The following MLLT10 variants were observed in gnomAD, a reference collection of about 807,000 sequenced individuals.
MLLT10 encodes protein AF-10.
A neutral mutation model predicts 129.1 loss-of-function variants in MLLT10; 30 were observed. That is an observed-to-expected ratio of 0.23 (90% CI 0.17 to 0.32). The LOEUF (loss-of-function observed/expected upper bound fraction) is 0.32, where lower values mean the gene tolerates loss of function less well. MLLT10 is among the 10% of genes least tolerant of loss of function. MLLT10 has a pLI of 1.00. For synonymous variants in MLLT10, 490 were observed against 446.4 expected (o/e 1.10, Z -1.23); for missense variants, 1,119 against 1,268.3 (o/e 0.88, Z 1.79).
At chr10:21,611,968 A>G (rs2044700639) in intron 5 of MLLT10, among the ~76,000 whole-genome samples, 1 of 152,168 alleles carries the variant, frequency 6.6e-6, no homozygotes, top group African/African-American at 2.4e-5. Flanking sequence ...TGCAGAGGGG[A>G]AAGATAAACA....
chr10:21,535,642 C>T (rs2033833678), intron 2 of MLLT10, among the ~76,000 whole-genome samples: 1 of 152,202 alleles, frequency 6.6e-6, no homozygotes, highest in Non-Finnish European at 1.5e-5. Context: ...TTGAAGTGGC[C>T]GACTTTTCCC....
chr10:21,619,241 A>G (rs376475146), intron 8 of MLLT10, among the ~76,000 whole-genome samples: 1 of 152,236 alleles, frequency 6.6e-6, no homozygotes, highest in East Asian at 1.9e-4. Context: ...GCACCATGAA[A>G]GTTTATTTAA....
intron 5 of MLLT10, among the ~76,000 whole-genome samples, chr10:21,609,133 A>C (rs935064658): frequency 1.3e-5 from 2 of 152,084 alleles, no homozygotes; most frequent in African/African-American, 4.8e-5. Context: ...TCCCTCCACC[A>C]GTTCCCCATT....
At chr10:21,724,423 G>T (rs907768535) in intron 14 of MLLT10, among the ~76,000 whole-genome samples, 2 of 152,188 alleles carry the variant, frequency 1.3e-5, no homozygotes, top group African/African-American at 4.8e-5. Flanking sequence ...TGTTGTCTTA[G>T]TCTCTTGTGT....
chr10:21,591,431 C>G (rs2042493110), intron 4 of MLLT10, among the ~76,000 whole-genome samples: 1 of 152,162 alleles, frequency 6.6e-6, no homozygotes, highest in African/African-American at 2.4e-5. Context: ...CTATCTTGGA[C>G]AGAAGTAGAA....
At chr10:21,696,344 C>G (rs188786669) in intron 13 of MLLT10, among the ~76,000 whole-genome samples, 22 of 152,068 alleles carry the variant, frequency 1.4e-4, no homozygotes, top group African/African-American at 5.3e-4. Flanking sequence ...CTCAGGAGAT[C>G]CTGAGAACAT....
intron 5 of MLLT10, among the ~76,000 whole-genome samples, chr10:21,598,099 A>G (rs2043181440): frequency 6.6e-6 from 1 of 152,200 alleles, no homozygotes; most frequent in South Asian, 2.1e-4. Flanking sequence ...GATGGCAAGT[A>G]GTGGTTTTCT....
intron 13 of MLLT10, among the ~76,000 whole-genome samples, chr10:21,695,217 G>A (rs962038560): frequency 4.6e-5 from 7 of 151,988 alleles, no homozygotes; most frequent in Admixed American, 6.6e-5. Context: ...TTACAGGCGT[G>A]TGTCATCACA....
At chr10:21,545,131 G>T (rs976513377) in intron 3 of MLLT10, among the ~76,000 whole-genome samples, 2 of 151,830 alleles carry the variant, frequency 1.3e-5, no homozygotes, top group Non-Finnish European at 2.9e-5. Context: ...GACAACAAGA[G>T]TGAAGCTCCA....
At chr10:21,692,110 G>A (rs1013705226) in intron 13 of MLLT10, among the ~76,000 whole-genome samples, 4 of 151,846 alleles carry the variant, frequency 2.6e-5, no homozygotes, top group African/African-American at 9.7e-5. Flanking sequence ...GGAGGCAGAG[G>A]CTGCAGTGAC....
chr10:21,625,623 C>T, intron 8 of MLLT10: 1 of 757,162 alleles, frequency 1.3e-6, no homozygotes, highest in Non-Finnish European at 2.5e-6. Flanking sequence ...AGAATGACGT[C>T]CACCAAACCC....
At chr10:21,617,836 A>G (rs1367416454) in intron 8 of MLLT10, among the ~76,000 whole-genome samples, 1 of 152,070 alleles carries the variant, frequency 6.6e-6, no homozygotes, top group East Asian at 1.9e-4. Context: ...TTTGTACTTA[A>G]TTTGTTCTTT....
At chr10:21,670,379 G>A in intron 9 of MLLT10, 70 bp from the exon 10 acceptor site, 2 of 1,412,302 alleles carry the variant, frequency 1.4e-6, no homozygotes, top group Non-Finnish European at 1.9e-6. Flanking sequence ...TATTAATGTG[G>A]CACCCATTGT....
At chr10:21,584,473 A>T (rs1564455753) in intron 3 of MLLT10, among the ~76,000 whole-genome samples, 1 of 150,690 alleles carries the variant, frequency 6.6e-6, no homozygotes, top group African/African-American at 2.4e-5. Context: ...AATAGGCTCT[A>T]TTTTTTTTTA....
chr10:21,703,590 G>T (rs2055138362), intron 13 of MLLT10, among the ~76,000 whole-genome samples: 1 of 151,890 alleles, frequency 6.6e-6, no homozygotes, highest in Admixed American at 6.6e-5. Flanking sequence ...TGTCACCCAG[G>T]CTGGAGTGCA....
chr10:21,568,159 C>A (rs563900411), intron 3 of MLLT10, among the ~76,000 whole-genome samples: 1 of 152,204 alleles, frequency 6.6e-6, no homozygotes, highest in Non-Finnish European at 1.5e-5. Flanking sequence ...CATCGGTGTT[C>A]CTGATGTACT....
At chr10:21,602,923 G>A (rs2043692642) in intron 5 of MLLT10, among the ~76,000 whole-genome samples, 1 of 151,034 alleles carries the variant, frequency 6.6e-6, no homozygotes, top group Non-Finnish European at 1.5e-5. Context: ...TAGTAGAGAC[G>A]GGGTTTCACC....
chr10:21,698,192 C>T (rs566727896), intron 13 of MLLT10, among the ~76,000 whole-genome samples: 1 of 152,276 alleles, frequency 6.6e-6, no homozygotes, highest in Admixed American at 6.5e-5. Flanking sequence ...TGTACCCATT[C>T]AACAACCTTT....
intron 11 of MLLT10, among the ~76,000 whole-genome samples, chr10:21,678,509 G>A (rs1172875099): frequency 6.6e-6 from 1 of 152,180 alleles, no homozygotes; most frequent in East Asian, 1.9e-4. Context: ...GAAGTAGGCA[G>A]AAGACGAAGG....
Sources: gnomAD v4.1 joint callset for allele counts (sites outside exome capture counted in the v4.1 genomes callset) on GRCh38, gnomAD v4.1.1 for gene constraint, MANE v1.5 for transcripts, NCBI Gene and HGNC (gene_info 2026-07-23, HGNC 2026-07-21) for gene names.